The following DCUN1D3 variants were observed in gnomAD, a reference collection of about 807,000 sequenced individuals.
The protein encoded by DCUN1D3 is DCN1-like protein 3.
A neutral mutation model predicts 24.8 loss-of-function variants in DCUN1D3; 6 were observed. The observed-to-expected ratio is 0.24, with a 90% CI of 0.13 to 0.48. DCUN1D3 has a LOEUF of 0.48. Among genes scored for constraint, DCUN1D3 ranks in the 20% least tolerant of loss-of-function variants. The pLI, the probability that DCUN1D3 is intolerant of heterozygous loss-of-function variation, is 0.99. For synonymous variants in DCUN1D3, 120 were observed against 144.9 expected (o/e 0.83, Z 1.24); for missense variants, 258 against 379.4 (o/e 0.68, Z 2.66).
intron 1 of DCUN1D3, among the ~76,000 whole-genome samples, chr16:20,876,989 G>C (rs2081819166): frequency 6.6e-6 from 1 of 152,154 alleles, no homozygotes; most frequent in Admixed American, 6.5e-5. Flanking sequence ...AAGTGGGTTA[G>C]TGGGTACAAA....
In DCUN1D3 at chr16:20,866,332, C is replaced by T. The variant is rs114486564; in HGVS notation, c.-105-3689G>A. Among the ~76,000 whole-genome samples, 470 of 152,324 alleles carry T rather than the reference C, an allele frequency of 3.1e-3. 1 individual carries two copies. Among genetic ancestry groups the T allele is most frequent in the African/African-American group, 0.011 (451 of 41,566 alleles). On this transcript the variant is annotated intron_variant, in intron 1 of 2. Coordinates refer to ENST00000324344, the MANE Select transcript of DCUN1D3 (RefSeq NM_173475.4). ...GACTGGCAACTCTAATTCCCAGGCA[C>T]GCTGACTCACCAGGGTTTACTGCTC...
At chr16:20,884,423 T>C (rs1215046560) in intron 1 of DCUN1D3, among the ~76,000 whole-genome samples, 1 of 152,180 alleles carries the variant, frequency 6.6e-6, no homozygotes, top group Non-Finnish European at 1.5e-5. Context: ...TTTCAGAATG[T>C]ATCCAGACTC....
chr16:20,897,077 T>C (rs2081919383), intron 1 of DCUN1D3, among the ~76,000 whole-genome samples: 1 of 152,242 alleles, frequency 6.6e-6, no homozygotes, highest in Admixed American at 6.5e-5. Flanking sequence ...AAGGTTTTAT[T>C]TAGCATTTCT....
chr16:20,862,640 C>CA lies in DCUN1D3; in HGVS notation c.-103dup. The CA allele has an allele frequency of 1.3e-6, 2 of 1,516,310 alleles. No individual in the cohort carries two copies. The highest frequency in any genetic ancestry group is 8.7e-7 in the Non-Finnish European group (1 of 1,143,306). The allele number at this position is 1,516,310 out of a possible 1,614,324, so 93.9% of individuals were successfully genotyped here. On this transcript the variant is annotated 5_prime_UTR_variant, in exon 2 of 3. An upstream open reading frame in the 5' UTR gains an earlier in-frame stop. Transcript: ENST00000324344. Reference sequence around the variant, plus strand: ...CATGCCATCAGCCAGAGGAGCCAGCCAACCTGGAAGGAAATTAGAAAGCCA... The same window carrying CA: ...CATGCCATCAGCCAGAGGAGCCAGCCAAACCTGGAAGGAAATTAGAAAGCCA...
chr16:20,873,120 C>CAAA (rs557201637), intron 1 of DCUN1D3, among the ~76,000 whole-genome samples: 2 of 63,700 alleles, frequency 3.1e-5, no homozygotes, highest in African/African-American at 1.1e-4. Context: ...GACTCTGTCT[C>CAAA]AAAAAAAAAA....
At chr16:20,896,154 G>T (rs1218188113) in intron 1 of DCUN1D3, among the ~76,000 whole-genome samples, 1 of 152,154 alleles carries the variant, frequency 6.6e-6, no homozygotes, top group East Asian at 1.9e-4. Context: ...GGTAGGTGAG[G>T]TATATTAAAT....
In DCUN1D3 at chr16:20,862,204, T is replaced by G. The variant is rs757815463; in HGVS notation, c.335A>C (p.Glu112Ala). 1.3e-5 allele frequency: 21 copies of G among 1,614,128 alleles called. No individual in the cohort carries two copies. In the South Asian group the frequency reaches 2.3e-4, roughly 18 times the overall value. ...REDAILEEGM[E>A]RFCNDLCVDP... is the part of the protein sequence containing the mutation. ...AACACACAGGTCATTGCAAAAGCGC[T>G]CCATGCCTTCCTCCAAAATTGCATC... The change falls in exon 2 of 3, where the codon GAG (glutamate) becomes GCG (alanine). Residue 112 changes from glutamate (E) to alanine (A), a missense_variant. By Grantham distance (107) the Glu-to-Ala change is moderately radical. Coordinates refer to ENST00000324344, the MANE Select transcript of DCUN1D3 (RefSeq NM_173475.4).
chr16:20,892,001 A>G (rs2152519001), intron 1 of DCUN1D3, among the ~76,000 whole-genome samples: 1 of 152,150 alleles, frequency 6.6e-6, no homozygotes, highest in South Asian at 2.1e-4. Flanking sequence ...AGTCCACAAT[A>G]CCACCAACCA....
intron 1 of DCUN1D3, among the ~76,000 whole-genome samples, chr16:20,895,346 A>G (rs2152519373): frequency 6.6e-6 from 1 of 152,266 alleles, no homozygotes; most frequent in African/African-American, 2.4e-5. Context: ...ATCCTCCCAC[A>G]TAATAAAACA....
intron 1 of DCUN1D3, among the ~76,000 whole-genome samples, chr16:20,866,020 A>C (rs1159693279): frequency 3.3e-5 from 5 of 152,228 alleles, no homozygotes; most frequent in African/African-American, 1.2e-4. Flanking sequence ...AGCTCTTATA[A>C]GGGCTTTTGG....
Position 20,860,206 on chromosome 16 carries a change from A to G in DCUN1D3, c.595T>C (p.Ser199Pro). 1 of 1,614,240 alleles carries G rather than the reference A, an allele frequency of 6.2e-7. No homozygotes were observed. The highest frequency in any genetic ancestry group is 8.5e-7 in the Non-Finnish European group (1 of 1,180,042). The change falls in exon 3 of 3, where the codon TCA (serine) becomes CCA (proline). Residue 199 changes from serine (S) to proline (P), a missense_variant. By Grantham distance (74) the Ser-to-Pro change is moderately conservative. Transcript: ENST00000324344. This position sits in a 1 kb window ranked among gnomAD's most constrained non-coding sequence, Gnocchi z 4.3. ...FGLDSEEGQR[S>P]LHREIAIALW... ...GCAATGGCTATTTCCCGATGCAGTG[A>G]CCGCTGCCCTTCTTCAGAGTCCAGG...
intron 1 of DCUN1D3, chr16:20,896,253 C>T (rs891924631): frequency 3.9e-5 from 6 of 152,178 alleles, no homozygotes; most frequent in Admixed American, 6.5e-5. Context: ...TACACCAAAA[C>T]AGTAGCAAAA....
chr16:20,857,824 TAAA>T lies in DCUN1D3; in HGVS notation c.*2059_*2061del, dbSNP rs35209919. 6.8e-6 allele frequency: 1 copy of T among 147,516 alleles called. No individual in the cohort carries two copies. Among genetic ancestry groups the T allele is most frequent in the East Asian group, 2.0e-4 (1 of 5,074 alleles). The allele number at this position is 147,516 out of a possible 1,614,324, so 9.1% of individuals were successfully genotyped here. ...AGGAGGAACTGTCAGGTTTAGGATT[TAAA>T]AAAAAAAACAAATTCCAAGTATGTT... On this transcript the variant is annotated 3_prime_UTR_variant, in exon 3 of 3. Transcript: ENST00000324344.
chr16:20,868,604 T>C (rs1340998270), intron 1 of DCUN1D3, among the ~76,000 whole-genome samples: 1 of 152,238 alleles, frequency 6.6e-6, no homozygotes, highest in East Asian at 1.9e-4. Flanking sequence ...TTAGCCTCTA[T>C]AATAGTTATA....
At chr16:20,872,279 A>C (rs188223809) in intron 1 of DCUN1D3, among the ~76,000 whole-genome samples, 70 of 152,350 alleles carry the variant, frequency 4.6e-4, no homozygotes, top group Admixed American at 1.8e-3. Flanking sequence ...AAGGCAAGAA[A>C]GGAAATTATG....
intron 1 of DCUN1D3, among the ~76,000 whole-genome samples, chr16:20,880,624 AAAAAACAG>A (rs1380752246): frequency 1.4e-5 from 2 of 146,666 alleles, no homozygotes; most frequent in African/African-American, 5.3e-5. Flanking sequence ...AAAAAAAAAA[AAAAAACAG>A]AAAAAAGAAA....
intron 1 of DCUN1D3, among the ~76,000 whole-genome samples, chr16:20,872,660 CTCTT>C (rs1447696667): frequency 6.6e-6 from 1 of 151,892 alleles, no homozygotes; most frequent in Non-Finnish European, 1.5e-5. Flanking sequence ...TCACTAGACT[CTCTT>C]TCCTGCTGGC....
At chr16:20,895,615 C>T (rs977926425) in intron 1 of DCUN1D3, among the ~76,000 whole-genome samples, 3 of 152,170 alleles carry the variant, frequency 2.0e-5, no homozygotes, top group South Asian at 2.1e-4. Flanking sequence ...AAATATGTTA[C>T]GCTCTAGTTT....
At chr16:20,862,701 A>AGAAGGTAGGGT in intron 1 of DCUN1D3, 58 bp from the exon 2 acceptor site, 1 of 1,447,634 alleles carries the variant, frequency 6.9e-7, no homozygotes, top group Non-Finnish European at 9.1e-7. Context: ...TATGGACCCT[A>AGAAGGTAGGGT]CCTTCTAGGG....
Sources: gnomAD v4.1 joint callset for allele counts (sites outside exome capture counted in the v4.1 genomes callset) on GRCh38, gnomAD v4.1.1 for gene constraint, Gnocchi (gnomAD v3.1) non-coding constraint, MANE v1.5 for transcripts, NCBI Gene and HGNC (gene_info 2026-07-23, HGNC 2026-07-21) for gene names.